Variants in DOCK4 observed in about 807,000 individuals in gnomAD.
The protein encoded by DOCK4 is dedicator of cytokinesis protein 4.
In DOCK4, 97 loss-of-function variants were observed where a neutral mutation model predicts 268.1. The ratio of observed to expected loss-of-function variants is 0.36; its 90% CI spans 0.31 to 0.43. The LOEUF (loss-of-function observed/expected upper bound fraction) is 0.43, where lower values mean the gene tolerates loss of function less well. Among genes scored for constraint, DOCK4 ranks in the 20% least tolerant of loss-of-function variants. DOCK4 has a pLI of 1.00. For missense variants in DOCK4, 2,145 were observed against 2,455.7 expected, an observed-to-expected ratio of 0.87 and a Z score of 2.67; for synonymous variants, 954 against 887.2, an observed-to-expected ratio of 1.08 and a Z score of -1.34.
chr7:112,107,222 G>A (rs370672988), intron 1 of DOCK4, among the ~76,000 whole-genome samples: 1 of 152,206 alleles, frequency 6.6e-6, no homozygotes, highest in Non-Finnish European at 1.5e-5. Context: ...GGGCTGGCTT[G>A]TGTTCCCACA....
chr7:111,903,161 A>G (rs1352004963), intron 13 of DOCK4, among the ~76,000 whole-genome samples: 1 of 152,224 alleles, frequency 6.6e-6, no homozygotes, highest in Admixed American at 6.5e-5. Context: ...ACCATGGACC[A>G]TGGGAGAATA....
chr7:112,128,368 T>C lies in DOCK4; in HGVS notation c.37+77734A>G, dbSNP rs550193248. Reference sequence around the variant, plus strand: ...GGCGCCTCTGCCCGGCCGCCCCTACTGGGAAGTGAGGAGCCCCTCTGCCAG... The same window carrying C: ...GGCGCCTCTGCCCGGCCGCCCCTACCGGGAAGTGAGGAGCCCCTCTGCCAG... On this transcript the variant is annotated intron_variant, in intron 1 of 52. Coordinates refer to ENST00000428084, the MANE Select transcript of DOCK4 (RefSeq NM_001363540.2). Among the ~76,000 whole-genome samples the C allele has an allele frequency of 2.0e-5, 3 of 151,632 alleles. No homozygotes were observed. In the South Asian group the frequency reaches 6.2e-4, roughly 32 times the overall value.
intron 26 of DOCK4, among the ~76,000 whole-genome samples, chr7:111,829,799 G>A (rs188698101): frequency 3.8e-4 from 58 of 152,184 alleles, no homozygotes; most frequent in African/African-American, 1.4e-3. Flanking sequence ...CCTTTACTAC[G>A]ATATCAAAAC....
rs558828011 is a variant in DOCK4 at position 112,187,945 on chromosome 7, T to C, written c.37+18157A>G. Among the ~76,000 whole-genome samples, 18 of 152,338 alleles carry C rather than the reference T, an allele frequency of 1.2e-4. 1 individual carries two copies. Among genetic ancestry groups the C allele is most frequent in the Admixed American group, 4.6e-4 (7 of 15,308 alleles). ...ATGACCCCTTTAACCAATGTTTTCT[T>C]TGAATTGGTACCATGTGACTCAAAA... On this transcript the variant is annotated intron_variant, in intron 1 of 52. Coordinates refer to ENST00000428084, the MANE Select transcript of DOCK4 (RefSeq NM_001363540.2).
intron 14 of DOCK4, among the ~76,000 whole-genome samples, chr7:111,901,042 T>C (rs1791099197): frequency 6.6e-6 from 1 of 152,128 alleles, no homozygotes; most frequent in Admixed American, 6.5e-5. Context: ...ATATATAGAA[T>C]TAAATAATGA....
intron 12 of DOCK4, among the ~76,000 whole-genome samples, chr7:111,921,395 G>A (rs992565364): frequency 6.6e-6 from 1 of 152,116 alleles, no homozygotes; most frequent in East Asian, 1.9e-4. Context: ...TCTATAAGTT[G>A]GCTCCTTTTA....
At chr7:111,870,809 T>C (rs1452782395) in intron 20 of DOCK4, among the ~76,000 whole-genome samples, 2 of 152,208 alleles carry the variant, frequency 1.3e-5, no homozygotes, top group Non-Finnish European at 2.9e-5. Context: ...GATCCTGCTT[T>C]CCTGGCCAAC....
intron 23 of DOCK4, among the ~76,000 whole-genome samples, chr7:111,860,765 C>T (rs917428438): frequency 1.3e-5 from 2 of 152,142 alleles, no homozygotes; most frequent in African/African-American, 2.4e-5. Context: ...TCAATTCCCA[C>T]GGGACCCAAC....
chr7:111,903,807 T>C (rs548272016), intron 13 of DOCK4, among the ~76,000 whole-genome samples: 1 of 152,320 alleles, frequency 6.6e-6, no homozygotes, highest in East Asian at 1.9e-4. Flanking sequence ...CAAGATACTT[T>C]AGAGCAAAAT....
chr7:111,963,999 G>C (rs1797172261), intron 8 of DOCK4, among the ~76,000 whole-genome samples: 1 of 104,192 alleles, frequency 9.6e-6, no homozygotes, highest in South Asian at 3.7e-4. Context: ...TGAGGGTCCT[G>C]TCTGTTAGAA....
At chr7:111,863,311 G>A in intron 23 of DOCK4, 61 bp downstream of exon 23, 1 of 1,585,524 alleles carries the variant, frequency 6.3e-7, no homozygotes, top group South Asian at 1.1e-5. Context: ...CTGACCAATG[G>A]CTACAAAATA....
At chr7:112,049,235 G>A (rs938396131) in intron 1 of DOCK4, among the ~76,000 whole-genome samples, 3 of 151,994 alleles carry the variant, frequency 2.0e-5, no homozygotes, top group Non-Finnish European at 4.4e-5. Flanking sequence ...TACAGTGTAC[G>A]ACAGTACCAC....
At chr7:111,915,347 A>T (rs899759095) in intron 13 of DOCK4, among the ~76,000 whole-genome samples, 2 of 152,206 alleles carry the variant, frequency 1.3e-5, no homozygotes, top group Non-Finnish European at 2.9e-5. Flanking sequence ...CTGCTTATTT[A>T]CATATGGCTA....
At chr7:111,947,145 C>G (rs1209346250) in intron 8 of DOCK4, among the ~76,000 whole-genome samples, 2 of 152,124 alleles carry the variant, frequency 1.3e-5, no homozygotes, top group Non-Finnish European at 2.9e-5. Flanking sequence ...AAATGGAGAG[C>G]AGGACATTAA....
intron 8 of DOCK4, among the ~76,000 whole-genome samples, chr7:111,948,983 A>C (rs1795843979): frequency 6.6e-6 from 1 of 151,936 alleles, no homozygotes; most frequent in Non-Finnish European, 1.5e-5. Flanking sequence ...AAAAAGATTT[A>C]AGAACTCAGC....
At chr7:111,885,845 AG>A (rs932748445) in intron 16 of DOCK4, among the ~76,000 whole-genome samples, 4 of 152,314 alleles carry the variant, frequency 2.6e-5, no homozygotes, top group African/African-American at 9.6e-5. Flanking sequence ...ATTAAAATGC[AG>A]GCTTTGCAGC....
chr7:111,895,727 A>C lies in DOCK4; in HGVS notation c.1481-9T>G, dbSNP rs774983362. 4 of 1,612,178 alleles carry C rather than the reference A, an allele frequency of 2.5e-6. No individual in the cohort carries two copies. In the South Asian group the frequency reaches 4.4e-5, roughly 18 times the overall value. On this transcript the variant is annotated splice_polypyrimidine_tract_variant and intron_variant, in intron 15 of 52. Transcript: ENST00000428084. ...CTCTCCTTTCTCCTTTGCTGTAAAA[A>C]ACAAATTACTTGCTTATTTAAGTGT...
chr7:112,038,144 G>A (rs1804006161), intron 1 of DOCK4, among the ~76,000 whole-genome samples: 1 of 152,212 alleles, frequency 6.6e-6, no homozygotes, highest in African/African-American at 2.4e-5. Flanking sequence ...TGAAGAGGCT[G>A]ATATTTCCCA....
At chr7:111,824,367 C>T (rs1802237045) in intron 26 of DOCK4, among the ~76,000 whole-genome samples, 1 of 152,176 alleles carries the variant, frequency 6.6e-6, no homozygotes, top group East Asian at 1.9e-4. Context: ...GAGTTATACC[C>T]CACTTCAGTT....
Sources: allele counts gnomAD v4.1 joint callset (sites outside exome capture counted in the v4.1 genomes callset), GRCh38; gene constraint gnomAD v4.1.1; transcripts MANE v1.5; gene names NCBI Gene and HGNC (gene_info 2026-07-23, HGNC 2026-07-21).